Variants in IQCE observed in about 807,000 individuals in gnomAD.
IQCE encodes the protein IQ domain-containing protein E.
A neutral mutation model predicts 96.0 loss-of-function variants in IQCE; 115 were observed. The observed-to-expected ratio is 1.20, with a 90% CI of 1.03 to 1.40. The LOEUF (loss-of-function observed/expected upper bound fraction) is 1.40. Ranked by LOEUF, IQCE falls within the 40% of genes most tolerant of loss-of-function variation. The probability of loss-of-function intolerance (pLI) is 0.00; values close to 1 mark genes in which losing one functional copy is unlikely to be tolerated. For synonymous variants in IQCE, 412 were observed against 371.2 expected (o/e 1.11, Z -1.26); for missense variants, 1,041 against 909.1 (o/e 1.15, Z -1.87).
At chr7:2,605,586 C>T (rs1784749314) in intron 19 of IQCE, among the ~76,000 whole-genome samples, 2 of 151,978 alleles carry the variant, frequency 1.3e-5, no homozygotes, top group Admixed American at 1.3e-4. Flanking sequence ...CGCCACTGCA[C>T]TCCAGCCTGG....
intron 16 of IQCE, among the ~76,000 whole-genome samples, chr7:2,596,212 T>G (rs1784024468): frequency 6.6e-6 from 1 of 151,714 alleles, no homozygotes; most frequent in African/African-American, 2.4e-5. Flanking sequence ...AGAGCCAAGG[T>G]AGCACTGCTG....
chr7:2,593,127 G>A lies in IQCE; in HGVS notation c.1349+1G>A, dbSNP rs535514211. On this transcript the variant is annotated splice_donor_variant, in intron 15 of 21. Coordinates refer to ENST00000402050, the MANE Select transcript of IQCE (RefSeq NM_152558.5). LOFTEE classifies it high-confidence loss of function. ...GGAGAGAGCGAGAGGAGGTTTTGAGGTATGTGACCCGGGTCAGGGCTGGAG... is the reference window on the plus strand; with the variant it reads ...GGAGAGAGCGAGAGGAGGTTTTGAGATATGTGACCCGGGTCAGGGCTGGAG... The A allele has an allele frequency of 5.3e-5, 86 of 1,609,254 alleles. No individual in the cohort carries two copies. The South Asian group carries it at 8.2e-4, about 15-fold the overall frequency.
At chr7:2,574,831 C>T (rs906401704) in intron 6 of IQCE, among the ~76,000 whole-genome samples, 1 of 152,200 alleles carries the variant, frequency 6.6e-6, no homozygotes, top group African/African-American at 2.4e-5. Context: ...CTCGAGCTCA[C>T]GGATGCTTTC....
At chr7:2,599,603 C>G (rs1241106809) in intron 17 of IQCE, among the ~76,000 whole-genome samples, 2 of 150,498 alleles carry the variant, frequency 1.3e-5, no homozygotes, top group Non-Finnish European at 3.0e-5. Context: ...CTCAAGCAGT[C>G]CTCCGGCCTC....
chr7:2,566,292 C>CT (rs57683972), intron 1 of IQCE, among the ~76,000 whole-genome samples: 26,614 of 137,492 alleles, frequency 0.19, 3,733 homozygotes, highest in African/African-American at 0.4. Context: ...AAAAAGCTTC[C>CT]TTTTTTTTTT....
In IQCE at chr7:2,598,527, T is replaced by A; in HGVS notation, c.1503T>A (p.Asp501Glu). 1.2e-6 allele frequency: 2 copies of A among 1,611,206 alleles called. No individual in the cohort carries two copies. The highest frequency in any genetic ancestry group is 1.7e-6 in the Non-Finnish European group (2 of 1,178,864). ...ACTGCGAGCAAGACTGGCCGCCGGATTCCAGCGAGGAGGGGCTCCCGCGGC... is the reference window on the plus strand; with the variant it reads ...ACTGCGAGCAAGACTGGCCGCCGGAATCCAGCGAGGAGGGGCTCCCGCGGC... ...SRHCEQDWPP[D>E]SSEEGLPRPR... The change falls in exon 17 of 22, where the codon GAT becomes GAA. Residue 501 changes from aspartate (D) to glutamate (E), a missense_variant. Transcript: ENST00000402050.
At chr7:2,599,449 G>A (rs1278819495) in intron 17 of IQCE, among the ~76,000 whole-genome samples, 1 of 152,102 alleles carries the variant, frequency 6.6e-6, no homozygotes, top group African/African-American at 2.4e-5. Context: ...ACCCATCTTG[G>A]CTTCCCAAAG....
intron 2 of IQCE, 63 bp from the exon 3 acceptor site, chr7:2,568,891 G>C (rs896249523): frequency 1.8e-5 from 26 of 1,443,646 alleles, no homozygotes; most frequent in Admixed American, 1.2e-4. Flanking sequence ...GAACATGGTA[G>C]GGTCTTGTGA....
intron 11 of IQCE, 107 bp from the exon 12 acceptor site, chr7:2,586,099 CTG>C: frequency 9.5e-7 from 1 of 1,055,696 alleles, no homozygotes; most frequent in Non-Finnish European, 1.3e-6. Flanking sequence ...AAAAACCACT[CTG>C]AGCTCACAAC....
chr7:2,584,343 C>G, intron 11 of IQCE, 58 bp downstream of exon 11: 2 of 1,519,184 alleles, frequency 1.3e-6, no homozygotes, highest in South Asian at 1.1e-5. Flanking sequence ...GTGGAAGCTC[C>G]TCTGAGAATG....
At position 2,610,056 on chromosome 7, in the gene IQCE, CAG is replaced by C; in HGVS notation, c.1983_1984del (p.Gly662AlafsTer11). The C allele has an allele frequency of 6.3e-7, 1 of 1,598,250 alleles. No individual in the cohort carries two copies. Among genetic ancestry groups the C allele is most frequent in the South Asian group, 1.1e-5 (1 of 90,726 alleles). On this transcript the variant is annotated frameshift_variant, in exon 22 of 22. Coordinates refer to ENST00000402050, the MANE Select transcript of IQCE (RefSeq NM_152558.5). LOFTEE classifies it high-confidence loss of function. Reference sequence around the variant, plus strand: ...TTCATTTCTGCAGACCCCTCTCCCTCAGGGCCACAGGCCTTGGCACCTCTACC... The same window carrying C: ...TTCATTTCTGCAGACCCCTCTCCCTCGGCCACAGGCCTTGGCACCTCTACC...
chr7:2,605,584 C>T (rs189953336), intron 19 of IQCE, among the ~76,000 whole-genome samples: 1 of 152,156 alleles, frequency 6.6e-6, no homozygotes, highest in Non-Finnish European at 1.5e-5. Flanking sequence ...CACGCCACTG[C>T]ACTCCAGCCT....
chr7:2,608,947 CACAGTT>C (rs1784993076), intron 21 of IQCE, among the ~76,000 whole-genome samples: 1 of 152,206 alleles, frequency 6.6e-6, no homozygotes, highest in Non-Finnish European at 1.5e-5. Flanking sequence ...AAAAAGCTGA[CACAGTT>C]ACAGTATCTG....
At chr7:2,593,197 G>A (rs1023041235) in intron 15 of IQCE, 71 bp downstream of exon 15, 10 of 1,518,534 alleles carry the variant, frequency 6.6e-6, no homozygotes, top group East Asian at 2.3e-5. Flanking sequence ...GCGGCCCCCC[G>A]TGGCGTCTCA....
chr7:2,607,319 G>A, intron 21 of IQCE, 92 bp downstream of exon 21: 2 of 1,557,418 alleles, frequency 1.3e-6, no homozygotes, highest in Non-Finnish European at 1.7e-6. Context: ...CCCGGGCTGT[G>A]TCGGGACGGA....
chr7:2,605,906 A>G lies in IQCE; in HGVS notation c.1774A>G (p.Ile592Val). Residue 592 changes from isoleucine (I) to valine (V), a missense_variant, in exon 20 of 22, where the codon ATC becomes GTC. Ile to Val is a conservative substitution (Grantham distance 29, BLOSUM62 3). Coordinates refer to ENST00000402050, the MANE Select transcript of IQCE (RefSeq NM_152558.5). ...SSPVPRVPSP[I>V]AQATGSPVQE... is the part of the protein sequence containing the mutation. Reference sequence around the variant, plus strand: ...TCCTGTGCCCCGCGTTCCGAGCCCCATCGCCCAGGCCACGGGCAGCCCTGT... The same window carrying G: ...TCCTGTGCCCCGCGTTCCGAGCCCCGTCGCCCAGGCCACGGGCAGCCCTGT... 6.2e-7 allele frequency: 1 copy of G among 1,607,760 alleles called. No homozygotes were observed. The highest frequency in any genetic ancestry group is 8.5e-7 in the Non-Finnish European group (1 of 1,177,898).
rs192848161 is a variant in IQCE, at chr7:2,608,512, C to T, written c.1969+1285C>T. On this transcript the variant is annotated intron_variant, in intron 21 of 21. Transcript: ENST00000402050. Reference sequence around the variant, plus strand: ...ACTTTGATATTCTCTCCAAAACTTCCATTTGTAAAGCTCAACACAAAGATG... The same window carrying T: ...ACTTTGATATTCTCTCCAAAACTTCTATTTGTAAAGCTCAACACAAAGATG... 3.5e-3 allele frequency among the ~76,000 whole-genome samples: 540 copies of T among 152,304 alleles called. 6 individuals are homozygous for T. The highest frequency in any genetic ancestry group is 0.024 in the Middle Eastern group (7 of 294).
Position 2,568,989 on chromosome 7 carries a change from C to G in IQCE, c.120C>G (p.Pro40=), listed in dbSNP as rs1781573533. ...GGAAAGCTTTCCACAAACCTCCACC[C>G]ACATCGCCAAGTAAGTATGACGAGG... ...AKRKAFHKPP[P]TSPKSPYLSK... The change falls in exon 3 of 22, where the codon CCC becomes CCG. Residue 40 remains proline (P), a synonymous_variant. Coordinates refer to ENST00000402050, the MANE Select transcript of IQCE (RefSeq NM_152558.5). 2 of 1,614,000 alleles carry G rather than the reference C, an allele frequency of 1.2e-6. No homozygotes were observed. Among genetic ancestry groups the G allele is most frequent in the South Asian group, 2.2e-5 (2 of 91,086 alleles).
chr7:2,614,273 T>C lies in IQCE; in HGVS notation c.*4111T>C, dbSNP rs1236319651. ...TCAAGATCTGAATGAGATTCTATTA[T>C]AACCCGTCTAAACGATTGCAAAATT... is the stretch of plus-strand genomic sequence containing the variant. On this transcript the variant is annotated 3_prime_UTR_variant, in exon 22 of 22. Transcript: ENST00000402050. The C allele has an allele frequency of 2.0e-5, 3 of 152,376 alleles. No individual in the cohort carries two copies. Among genetic ancestry groups the C allele is most frequent in the South Asian group, 2.1e-4 (1 of 4,828 alleles). 9.4% of individuals were successfully genotyped at this position (152,376 alleles called of 1,614,324 possible). A position where few individuals can be genotyped will look rare whatever the true frequency, so the allele number is the denominator to read the frequency against.
Sources: gnomAD v4.1 joint callset for allele counts (sites outside exome capture counted in the v4.1 genomes callset) on GRCh38, gnomAD v4.1.1 for gene constraint, MANE v1.5 for transcripts, NCBI Gene and HGNC (gene_info 2026-07-23, HGNC 2026-07-21) for gene names.